WASL: variants seen among roughly 807,000 people sequenced by gnomAD.
WASL encodes the protein WASP like actin nucleation promoting factor.
WASL carries 20 observed loss-of-function variants against 55.5 expected under a neutral mutation model. The ratio of observed to expected loss-of-function variants is 0.36; its 90% confidence interval spans 0.25 to 0.52. The LOEUF (loss-of-function observed/expected upper bound fraction) is 0.52, where lower values mean the gene tolerates loss of function less well. WASL is among the 20% of genes least tolerant of loss of function. The pLI is 0.92. For missense variants in WASL, 504 were observed against 622.5 expected, an observed-to-expected ratio of 0.81 and a Z score of 2.03; for synonymous variants, 249 against 217.6, an observed-to-expected ratio of 1.14 and a Z score of -1.27.
At chr7:123,710,992 TAA>T (rs925092291) in intron 1 of WASL, among the ~76,000 whole-genome samples, 3 of 152,216 alleles carry the variant, frequency 2.0e-5, no homozygotes, top group Admixed American at 1.3e-4. Flanking sequence ...AGAATTCGCA[TAA>T]AGTCTTTTTT....
intron 5 of WASL, among the ~76,000 whole-genome samples, chr7:123,698,410 T>C (rs1010220894): frequency 3.6e-4 from 54 of 151,716 alleles, no homozygotes; most frequent in Admixed American, 3.3e-4. Context: ...TTCTCCCAAC[T>C]CTACTATTAA....
intron 1 of WASL, among the ~76,000 whole-genome samples, chr7:123,731,705 G>C (rs752190368): frequency 2.6e-5 from 4 of 152,102 alleles, no homozygotes; most frequent in Non-Finnish European, 5.9e-5. Context: ...TGAGTCAAAG[G>C]AGTCTCAAGA....
intron 9 of WASL, among the ~76,000 whole-genome samples, chr7:123,690,499 T>C (rs373908242): frequency 4.2e-5 from 4 of 94,152 alleles, no homozygotes; most frequent in Admixed American, 2.2e-4. Flanking sequence ...AACATGCCAA[T>C]AGTTCACTGA....
intron 1 of WASL, among the ~76,000 whole-genome samples, chr7:123,740,845 C>G (rs1480365267): frequency 6.6e-6 from 1 of 152,166 alleles, no homozygotes; most frequent in African/African-American, 2.4e-5. Flanking sequence ...CTCAGCCTCC[C>G]AAAGCGCTGC....
intron 1 of WASL, among the ~76,000 whole-genome samples, chr7:123,736,397 G>GT (rs1323154039): frequency 1.3e-5 from 2 of 152,070 alleles, no homozygotes; most frequent in Non-Finnish European, 2.9e-5. Context: ...TAAATATAAG[G>GT]TTTTTTTCCC....
intron 9 of WASL, 23 bp downstream of exon 9, chr7:123,692,324 G>GA (rs60453568): frequency 0.026 from 26,867 of 1,017,792 alleles, no homozygotes; most frequent in South Asian, 0.029. Context: ...GATCTAAAAT[G>GA]AAAAAAAAAA....
At chr7:123,740,771 G>A (rs1347441256) in intron 1 of WASL, among the ~76,000 whole-genome samples, 1 of 151,858 alleles carries the variant, frequency 6.6e-6, no homozygotes, top group African/African-American at 2.4e-5. Flanking sequence ...ACTTTTTCTT[G>A]TAGAGATTAG....
intron 1 of WASL, among the ~76,000 whole-genome samples, chr7:123,743,429 G>A (rs1327760585): frequency 1.3e-5 from 2 of 151,804 alleles, no homozygotes; most frequent in Non-Finnish European, 2.9e-5. Context: ...TTTTTCATCA[G>A]GACCCCTTTC....
At chr7:123,715,981 C>T (rs1443845593) in intron 1 of WASL, among the ~76,000 whole-genome samples, 1 of 152,106 alleles carries the variant, frequency 6.6e-6, no homozygotes, top group African/African-American at 2.4e-5. Flanking sequence ...GGTGAGGACA[C>T]TGTGTTAAAA....
chr7:123,696,413 A>T (rs952982888), intron 6 of WASL, among the ~76,000 whole-genome samples, 166 bp downstream of exon 6: 1 of 139,368 alleles, frequency 7.2e-6, no homozygotes, highest in Admixed American at 7.1e-5. Flanking sequence ...CAGCTGCCTT[A>T]AAAAAAAAAA....
At chr7:123,706,502 T>C (rs1803672346) in intron 3 of WASL, 129 bp from the exon 4 acceptor site, 1 of 907,932 alleles carries the variant, frequency 1.1e-6, no homozygotes, top group African/African-American at 1.7e-5. Context: ...GATAAGACAT[T>C]ATTTTATGAT....
chr7:123,687,186 A>T (rs752277570), intron 10 of WASL, among the ~76,000 whole-genome samples: 1 of 152,116 alleles, frequency 6.6e-6, no homozygotes, highest in Non-Finnish European at 1.5e-5. Flanking sequence ...CTCCACATTC[A>T]AAATATAATT....
At chr7:123,718,449 A>G (rs1377726390) in intron 1 of WASL, among the ~76,000 whole-genome samples, 1 of 152,232 alleles carries the variant, frequency 6.6e-6, no homozygotes, top group East Asian at 1.9e-4. Context: ...TAAGAAAACT[A>G]AAGCCAAGCA....
At chr7:123,744,012 C>T (rs535092187) in intron 1 of WASL, among the ~76,000 whole-genome samples, 1 of 152,316 alleles carries the variant, frequency 6.6e-6, no homozygotes, top group South Asian at 2.1e-4. Context: ...TGAATTTTAA[C>T]TTTTATCTTT....
chr7:123,715,817 A>G (rs1301149942), intron 1 of WASL, among the ~76,000 whole-genome samples: 2 of 152,242 alleles, frequency 1.3e-5, no homozygotes, highest in African/African-American at 4.8e-5. Context: ...ACAGACCTTT[A>G]GCATTACCAG....
At chr7:123,700,068 C>T (rs961297234) in intron 5 of WASL, among the ~76,000 whole-genome samples, 11 of 148,070 alleles carry the variant, frequency 7.4e-5, no homozygotes, top group African/African-American at 2.5e-4. Flanking sequence ...CCCAGCTACA[C>T]GGGAGGCTGA....
At chr7:123,724,073 T>G (rs768680) in intron 1 of WASL, among the ~76,000 whole-genome samples, 1 of 151,924 alleles carries the variant, frequency 6.6e-6, no homozygotes, top group Non-Finnish European at 1.5e-5. Context: ...TAGCTCCCCC[T>G]TCCCAAGAGG....
chr7:123,695,630 C>T lies in WASL; in HGVS notation c.672+193G>A, dbSNP rs189135990. 7.2e-3 allele frequency among the ~76,000 whole-genome samples: 1,094 copies of T among 152,136 alleles called. 7 individuals carry two copies. Among genetic ancestry groups the T allele is most frequent in the Non-Finnish European group, 0.012 (798 of 67,926 alleles). On this transcript the variant is annotated intron_variant, in intron 7 of 10. Coordinates refer to ENST00000223023, the MANE Select transcript of WASL (RefSeq NM_003941.4). ...AAGCCAAGGTACACAAAACCTTAGT[C>T]TAAGTCTTTAGAGACTTAGCCATGA...
At chr7:123,700,079 G>A (rs1458560831) in intron 5 of WASL, among the ~76,000 whole-genome samples, 1 of 149,480 alleles carries the variant, frequency 6.7e-6, no homozygotes, top group African/African-American at 2.5e-5. Flanking sequence ...GGGAGGCTGA[G>A]GCAGGAGAAT....
Sources: gnomAD v4.1 joint callset for allele counts (sites outside exome capture counted in the v4.1 genomes callset) on GRCh38, gnomAD v4.1.1 for gene constraint, MANE v1.5 for transcripts, NCBI Gene and HGNC (gene_info 2026-07-23, HGNC 2026-07-21) for gene names.